RAPGEF4: variants seen among roughly 807,000 people sequenced by gnomAD.
The protein encoded by RAPGEF4 is Rap guanine nucleotide exchange factor 4.
A neutral mutation model predicts 147.9 loss-of-function variants in RAPGEF4; 66 were observed. The observed-to-expected ratio is 0.45, with a 90% CI of 0.37 to 0.55. The LOEUF (loss-of-function observed/expected upper bound fraction) is 0.55. RAPGEF4 is among the 20% of genes least tolerant of loss of function. The pLI is 0.00. For missense variants in RAPGEF4, 1,071 were observed against 1,257.3 expected (o/e 0.85, Z 2.24); for synonymous variants, 419 against 442.7 (o/e 0.95, Z 0.67).
chr2:173,007,292 C>T (rs1049562791), intron 17 of RAPGEF4, among the ~76,000 whole-genome samples: 1 of 152,140 alleles, frequency 6.6e-6, no homozygotes, highest in Non-Finnish European at 1.5e-5. Context: ...ACAGAGGATT[C>T]TGAAAATCAG....
chr2:172,917,693 G>C, intron 4 of RAPGEF4, 109 bp from the exon 5 acceptor site: 1 of 903,050 alleles, frequency 1.1e-6, no homozygotes, highest in South Asian at 1.4e-5. Flanking sequence ...ATAAATACAA[G>C]GCTCAGATGC....
chr2:172,770,295 G>T (rs986212947), intron 1 of RAPGEF4, among the ~76,000 whole-genome samples: 1 of 152,158 alleles, frequency 6.6e-6, no homozygotes, highest in Admixed American at 6.5e-5. Context: ...AAAATATGGT[G>T]GTTAAGAGAG....
At chr2:172,965,508 C>A in intron 8 of RAPGEF4, 54 bp from the exon 9 acceptor site, 2 of 1,576,454 alleles carry the variant, frequency 1.3e-6, no homozygotes, top group South Asian at 2.2e-5. Flanking sequence ...CATCTCCCAT[C>A]CTCTATCTGA....
rs903491876 is a variant in RAPGEF4 at position 172,996,504 on chromosome 2, A to G, written c.1529A>G (p.Glu510Gly). 16 of 1,583,180 alleles carry G rather than the reference A, an allele frequency of 1.0e-5. No homozygotes were observed. The highest frequency in any genetic ancestry group is 1.4e-5 in the Non-Finnish European group (16 of 1,169,808). ...VMSGTPEKIL[E>G]HFLETIRLEA... ...TCAGGAACACCTGAAAAAATTTTAGAGCATTTTCTAGAAACAATACGCCTT... is the reference window on the plus strand; with the variant it reads ...TCAGGAACACCTGAAAAAATTTTAGGGCATTTTCTAGAAACAATACGCCTT... The change falls in exon 16 of 31, where the codon GAG becomes GGG. Residue 510 changes from glutamate (E) to glycine (G), a missense_variant. Physicochemically the swap from Glu to Gly is moderately conservative, Grantham distance 98. Coordinates refer to ENST00000397081, the MANE Select transcript of RAPGEF4 (RefSeq NM_007023.4).
At chr2:172,786,672 C>T (rs760957179) in intron 1 of RAPGEF4, among the ~76,000 whole-genome samples, 2 of 152,010 alleles carry the variant, frequency 1.3e-5, no homozygotes, top group African/African-American at 2.4e-5. Context: ...GCCAGAAGTT[C>T]GAGACCAGCC....
At chr2:172,958,412 G>A (rs747907045) in intron 6 of RAPGEF4, among the ~76,000 whole-genome samples, 3 of 152,182 alleles carry the variant, frequency 2.0e-5, no homozygotes, top group Non-Finnish European at 2.9e-5. Context: ...TTAACTGCAC[G>A]TTTTCAGGGT....
chr2:173,014,622 G>A lies in RAPGEF4; in HGVS notation c.1809+8G>A. The A allele has an allele frequency of 6.2e-7, 1 of 1,611,298 alleles. No homozygotes were observed. Among genetic ancestry groups the A allele is most frequent in the Non-Finnish European group, 8.5e-7 (1 of 1,178,294 alleles). On this transcript the variant is annotated splice_region_variant and intron_variant, in intron 18 of 30. Transcript: ENST00000397081. The stretch of plus-strand genomic sequence containing the variant: ...TCTATGGCCTTCCTGGAGGTAGGCA[G>A]GGGTCATCTCTTCCAAGAATATACT...
At chr2:172,923,746 A>T (rs1374355578) in intron 6 of RAPGEF4, among the ~76,000 whole-genome samples, 1 of 152,354 alleles carries the variant, frequency 6.6e-6, no homozygotes, top group East Asian at 1.9e-4. Flanking sequence ...AATTATGAAT[A>T]TTGAATGAGA....
chr2:173,016,231 C>T, intron 18 of RAPGEF4, 118 bp from the exon 19 acceptor site: 1 of 675,920 alleles, frequency 1.5e-6, no homozygotes, highest in South Asian at 1.9e-5. Context: ...GTCCATGAAG[C>T]CATGGTCTGG....
Position 173,020,717 on chromosome 2 carries a change from T to C in RAPGEF4, c.2253+2T>C. 6.2e-7 allele frequency: 1 copy of C among 1,611,202 alleles called. No homozygotes were observed. Among genetic ancestry groups the C allele is most frequent in the South Asian group, 1.1e-5 (1 of 90,898 alleles). ...CCGCGAGAGCAATTCGATTCACTGG[T>C]AGGTGTGGATGGCCTGCTCAGAGCA... On this transcript the variant is annotated splice_donor_variant, in intron 23 of 30. Transcript: ENST00000397081. LOFTEE classifies it high-confidence loss of function.
In RAPGEF4 at chr2:172,920,885, C is replaced by G. The variant is rs1000436851; in HGVS notation, c.518-1396C>G. ...TGACCTGAGGCCATCCTTCCTCTTT[C>G]TGACAGACCTGGGAAGTGATAGCGA... On this transcript the variant is annotated intron_variant, in intron 5 of 30. Coordinates refer to ENST00000397081, the MANE Select transcript of RAPGEF4 (RefSeq NM_007023.4). Among the ~76,000 whole-genome samples the G allele has an allele frequency of 2.0e-5, 3 of 152,230 alleles. No homozygotes were observed. The East Asian group carries it at 5.8e-4, about 30-fold the overall frequency.
chr2:173,033,782 C>A, intron 26 of RAPGEF4, 132 bp from the exon 27 acceptor site: 1 of 787,530 alleles, frequency 1.3e-6, no homozygotes, highest in Non-Finnish European at 2.1e-6. Flanking sequence ...AGACAGATTA[C>A]AGTCTGGCCT....
intron 4 of RAPGEF4, among the ~76,000 whole-genome samples, chr2:172,883,184 T>G (rs568080810): frequency 2.5e-4 from 38 of 152,262 alleles, no homozygotes; most frequent in African/African-American, 8.7e-4. Context: ...TATATGAGAC[T>G]GGGTAATTTA....
intron 15 of RAPGEF4, among the ~76,000 whole-genome samples, chr2:172,991,324 G>A (rs1692816350): frequency 6.6e-6 from 1 of 152,170 alleles, no homozygotes; most frequent in Non-Finnish European, 1.5e-5. Context: ...CGCGTGAAGT[G>A]TTTTCCTCTT....
At chr2:172,982,037 C>G (rs1368609002) in intron 10 of RAPGEF4, among the ~76,000 whole-genome samples, 1 of 152,184 alleles carries the variant, frequency 6.6e-6, no homozygotes, top group Admixed American at 6.5e-5. Flanking sequence ...GCTCTCACAT[C>G]TCTCTCAGAA....
chr2:172,979,703 A>G (rs1460525992), intron 10 of RAPGEF4, among the ~76,000 whole-genome samples: 3 of 152,250 alleles, frequency 2.0e-5, no homozygotes, highest in Non-Finnish European at 1.5e-5. Flanking sequence ...CAGTAAGACC[A>G]TGTGCCACGG....
intron 1 of RAPGEF4, 87 bp from the exon 2 acceptor site, chr2:172,794,938 T>G (rs755516672): frequency 8.3e-6 from 11 of 1,324,118 alleles, no homozygotes; most frequent in African/African-American, 1.5e-5. Context: ...TTTGGGTAAA[T>G]TTGAATATAA....
At chr2:172,964,401 A>ATTTTTTTTTT (rs11374637) in intron 8 of RAPGEF4, among the ~76,000 whole-genome samples, 1 of 115,166 alleles carries the variant, frequency 8.7e-6, no homozygotes. Flanking sequence ...TGCTCCTCCT[A>ATTTTTTTTTT]TTTTTTTTTT....
intron 4 of RAPGEF4, among the ~76,000 whole-genome samples, chr2:172,834,082 ACT>A (rs1690663978): frequency 6.6e-6 from 1 of 152,086 alleles, no homozygotes; most frequent in South Asian, 2.1e-4. Context: ...TTTGGGGGAA[ACT>A]CAGAGGAAGA....
Sources: gnomAD v4.1 joint callset for allele counts (sites outside exome capture counted in the v4.1 genomes callset) on GRCh38, gnomAD v4.1.1 for gene constraint, MANE v1.5 for transcripts, NCBI Gene and HGNC (gene_info 2026-07-23, HGNC 2026-07-21) for gene names.